ZEB1: variants seen among roughly 807,000 people sequenced by gnomAD.
ZEB1 encodes zinc finger E-box binding homeobox 1, also known as zinc finger E-box-binding homeobox 1.
ZEB1 carries 21 observed loss-of-function variants against 84.9 expected under a neutral mutation model. The ratio of observed to expected loss-of-function variants is 0.25; its 90% confidence interval spans 0.18 to 0.36. The LOEUF (loss-of-function observed/expected upper bound fraction) is 0.36. Ranked by LOEUF, ZEB1 falls within the 10% of genes least tolerant of loss-of-function variation. The pLI, the probability that ZEB1 is intolerant of heterozygous loss-of-function variation, is 1.00. For missense variants in ZEB1, 1,104 were observed against 1,330.2 expected, an observed-to-expected ratio of 0.83 and a Z score of 2.65; for synonymous variants, 420 against 471.1, an observed-to-expected ratio of 0.89 and a Z score of 1.41.
chr10:31,362,374 G>A (rs2043380376), intron 1 of ZEB1, among the ~76,000 whole-genome samples: 1 of 148,682 alleles, frequency 6.7e-6, no homozygotes, highest in East Asian at 2.0e-4. Context: ...AGGGGGGCCG[G>A]GCAGAGGCAC....
chr10:31,350,256 A>AT (rs917432677), intron 1 of ZEB1, among the ~76,000 whole-genome samples: 3 of 152,050 alleles, frequency 2.0e-5, no homozygotes, highest in Non-Finnish European at 4.4e-5. Flanking sequence ...TTATATTCAT[A>AT]TTTTTTAAGT....
intron 1 of ZEB1, among the ~76,000 whole-genome samples, chr10:31,440,937 C>A (rs2058875250): frequency 1.3e-5 from 2 of 152,176 alleles, no homozygotes; most frequent in African/African-American, 4.8e-5. Context: ...ACATTCCATG[C>A]TCATGGATAG....
At chr10:31,399,971 T>A (rs1197072375) in intron 1 of ZEB1, among the ~76,000 whole-genome samples, 2 of 152,202 alleles carry the variant, frequency 1.3e-5, no homozygotes, top group Non-Finnish European at 2.9e-5. Context: ...TCTACAGGGA[T>A]CAATCTCTCA....
At chr10:31,463,314 A>G (rs773603182) in intron 2 of ZEB1, among the ~76,000 whole-genome samples, 3 of 152,178 alleles carry the variant, frequency 2.0e-5, no homozygotes, top group Non-Finnish European at 4.4e-5. Context: ...AAAACAACTA[A>G]TGGTGCTAGA....
rs201844090 is a variant in ZEB1, at chr10:31,485,536, C to CA, written c.260-10235dup. ...GTACTACTTGTGGATTGATTAAATA[C>CA]AAAAACATTATTGTGTATTATTATC... On this transcript the variant is annotated intron_variant, in intron 2 of 8. Coordinates refer to ENST00000424869, the MANE Select transcript of ZEB1 (RefSeq NM_001174096.2). Among the ~76,000 whole-genome samples, 265 of 151,916 alleles carry CA rather than the reference C, an allele frequency of 1.7e-3. 4 individuals carry two copies. In the East Asian group the frequency reaches 0.03, roughly 17 times the overall value.
intron 1 of ZEB1, chr10:31,360,911 A>G (rs1292750851): frequency 6.7e-6 from 10 of 1,485,532 alleles, no homozygotes; most frequent in African/African-American, 2.8e-5. Flanking sequence ...ACAGTACTGC[A>G]TGGATGCTCT....
In ZEB1 at chr10:31,399,218, C is replaced by T. The variant is rs761314523; in HGVS notation, c.59-61819C>T. Among the ~76,000 whole-genome samples the T allele has an allele frequency of 2.6e-5, 4 of 152,092 alleles. No homozygotes were observed. The East Asian group carries it at 5.8e-4, about 22-fold the overall frequency. On this transcript the variant is annotated intron_variant, in intron 1 of 8. Transcript: ENST00000424869. ...CCATGTCGGCCCGGCTGGTTTTGAA[C>T]TCCTGACCTCAGGTGATCTGCCTGC...
intron 1 of ZEB1, among the ~76,000 whole-genome samples, chr10:31,370,259 T>C (rs2045456794): frequency 6.6e-6 from 1 of 152,170 alleles, no homozygotes; most frequent in African/African-American, 2.4e-5. Flanking sequence ...GATATCCATA[T>C]GGCAGGCTTA....
intron 1 of ZEB1, among the ~76,000 whole-genome samples, chr10:31,442,575 A>T (rs1239382868): frequency 6.6e-6 from 1 of 152,128 alleles, no homozygotes; most frequent in African/African-American, 2.4e-5. Context: ...AATAAAAAAA[A>T]AAGAAATCCA....
At chr10:31,359,949 A>G (rs2042732088) in intron 1 of ZEB1, among the ~76,000 whole-genome samples, 1 of 152,194 alleles carries the variant, frequency 6.6e-6, no homozygotes, top group Non-Finnish European at 1.5e-5. Context: ...GTCCTTTCAA[A>G]AATAATTCTC....
rs1291398333 is a variant in ZEB1, at chr10:31,409,080, G to A, written c.59-51957G>A. ...AACATACAACCCCATCAAAAAGTGGGCAAAGGACATGAACAGACACTTCTC... is the reference window on the plus strand; with the variant it reads ...AACATACAACCCCATCAAAAAGTGGACAAAGGACATGAACAGACACTTCTC... On this transcript the variant is annotated intron_variant, in intron 1 of 8. Transcript: ENST00000424869. Among the ~76,000 whole-genome samples, 6 of 152,112 alleles carry A rather than the reference G, an allele frequency of 3.9e-5. No individual in the cohort carries two copies. In the South Asian group the frequency reaches 8.3e-4, roughly 21 times the overall value.
rs533809699 is a variant in ZEB1 at position 31,452,428 on chromosome 10, T to A, written c.59-8609T>A. ...AAATGCTTAGTATTTATAGACAAGC[T>A]CCTCTTTCCTGGAGTAATATTATAT... On this transcript the variant is annotated intron_variant, in intron 1 of 8. Coordinates refer to ENST00000424869, the MANE Select transcript of ZEB1 (RefSeq NM_001174096.2). 3.9e-5 allele frequency among the ~76,000 whole-genome samples: 6 copies of A among 152,252 alleles called. No individual in the cohort carries two copies. The East Asian group carries it at 1.2e-3, about 29-fold the overall frequency.
At chr10:31,475,132 G>C (rs954809176) in intron 2 of ZEB1, among the ~76,000 whole-genome samples, 25 of 151,832 alleles carry the variant, frequency 1.6e-4, no homozygotes, top group African/African-American at 5.8e-4. Context: ...AGTGGGTGCA[G>C]TGCACCAGCG....
intron 1 of ZEB1, among the ~76,000 whole-genome samples, chr10:31,399,626 T>C (rs142786342): frequency 1.5e-4 from 23 of 152,310 alleles, no homozygotes; most frequent in African/African-American, 5.5e-4. Flanking sequence ...CTTCCTGTTT[T>C]TTCCTGTTGA....
intron 6 of ZEB1, among the ~76,000 whole-genome samples, chr10:31,518,437 G>A (rs544937833): frequency 6.6e-6 from 1 of 152,244 alleles, no homozygotes; most frequent in African/African-American, 2.4e-5. Context: ...GTGGCATCAG[G>A]ACAAACTAGG....
chr10:31,444,434 A>G (rs1196431136), intron 1 of ZEB1, among the ~76,000 whole-genome samples: 1 of 151,602 alleles, frequency 6.6e-6, no homozygotes, highest in East Asian at 1.9e-4. Flanking sequence ...CCCATTTGTC[A>G]ATTTTGTCTT....
chr10:31,448,731 CA>C (rs1197182336), intron 1 of ZEB1, among the ~76,000 whole-genome samples: 2 of 152,266 alleles, frequency 1.3e-5, no homozygotes, highest in African/African-American at 2.4e-5. Context: ...GCTAAGGGGT[CA>C]GGGGTCAGGG....
chr10:31,503,541 C>A (rs2068462570), intron 4 of ZEB1, among the ~76,000 whole-genome samples: 1 of 151,852 alleles, frequency 6.6e-6, no homozygotes, highest in African/African-American at 2.4e-5. Context: ...CATGAAGATC[C>A]AGGCATCTCT....
At chr10:31,466,012 A>G (rs551515067) in intron 2 of ZEB1, among the ~76,000 whole-genome samples, 1 of 152,212 alleles carries the variant, frequency 6.6e-6, no homozygotes, top group African/African-American at 2.4e-5. Flanking sequence ...AATTTTAAGT[A>G]AAAAATTGTC....
Sources: allele counts gnomAD v4.1 joint callset (sites outside exome capture counted in the v4.1 genomes callset), GRCh38; gene constraint gnomAD v4.1.1; transcripts MANE v1.5; gene names NCBI Gene and HGNC (gene_info 2026-07-23, HGNC 2026-07-21).